The following HUWE1 variants were observed in gnomAD, a reference collection of about 807,000 sequenced individuals.
The protein encoded by HUWE1 is HECT, UBA and WWE domain containing E3 ubiquitin protein ligase 1, also known as E3 ubiquitin-protein ligase HUWE1.
In HUWE1, 18 loss-of-function variants were observed where a neutral mutation model predicts 299.4. The ratio of observed to expected loss-of-function variants is 0.06; its 90% CI spans 0.04 to 0.09. The LOEUF (loss-of-function observed/expected upper bound fraction) is 0.09. HUWE1 is among the 10% of genes least tolerant of loss of function. The pLI is 1.00. For missense variants in HUWE1, 1,832 were observed against 3,462.3 expected (o/e 0.53, Z 11.82); for synonymous variants, 1,317 against 1,286.1 (o/e 1.02, Z -0.51).
rs375387886 is a variant in HUWE1, at chrX:53,592,336, G to A, written c.3972+62C>T. The stretch of plus-strand genomic sequence containing the variant: ...AGTGGTATGTGAGCTTAGAAAATCC[G>A]TAAGCATCACACTCCATTGGGTGCA... On this transcript the variant is annotated intron_variant, in intron 33 of 83. Transcript: ENST00000262854. 73 of 822,574 alleles carry A rather than the reference G, an allele frequency of 8.9e-5. No individual in the cohort carries two copies. The East Asian group carries it at 1.3e-3, about 15-fold the overall frequency. The allele number at this position is 822,574 out of a possible 1,213,427, so 67.8% of individuals were successfully genotyped here. A position where few individuals can be genotyped will look rare whatever the true frequency, so the allele number is the denominator to read the frequency against.
chrX:53,588,978 T>G (rs782513497), intron 36 of HUWE1, among the ~76,000 whole-genome samples: 1 of 112,642 alleles, frequency 8.9e-6, no homozygotes, highest in East Asian at 2.8e-4. Context: ...AAAGTTCTAT[T>G]TTACAAAGCC....
At chrX:53,536,292 G>C (rs782687065) in intron 79 of HUWE1, 40 bp from the exon 80 acceptor site, 5 of 1,139,747 alleles carry the variant, frequency 4.4e-6, no homozygotes, top group Non-Finnish European at 6.0e-6. Context: ...GTTTGCGAGT[G>C]GGGGGGAAGA....
intron 78 of HUWE1, 145 bp from the exon 79 acceptor site, chrX:53,536,812 A>C (rs1342234211): frequency 1.3e-5 from 7 of 527,941 alleles, no homozygotes; most frequent in African/African-American, 1.2e-4. Flanking sequence ...AGGACAGCCC[A>C]GAAATGGGGT....
chrX:53,584,427 T>C, intron 40 of HUWE1, 82 bp from the exon 41 acceptor site: 1 of 818,078 alleles, frequency 1.2e-6, no homozygotes, highest in Non-Finnish European at 1.8e-6. Context: ...ATCTCCCAGG[T>C]AAAATGCTAC....
chrX:53,533,046 G>T lies in HUWE1; in HGVS notation c.*263C>A, dbSNP rs1219271102. The T allele has an allele frequency of 6.5e-5, 25 of 384,758 alleles. No homozygotes were observed. The highest frequency in any genetic ancestry group is 1.1e-4 in the Non-Finnish European group (25 of 219,034). The allele number at this position is 384,758 out of a possible 1,213,427, so 31.7% of individuals were successfully genotyped here. A position where few individuals can be genotyped will look rare whatever the true frequency, so the allele number is the denominator to read the frequency against. ...TTGGGACAGACAGGTCCCTGCAAAG[G>T]CTACTGCCTTTTTAAAACACATGGG... is the stretch of plus-strand genomic sequence containing the variant. On this transcript the variant is annotated 3_prime_UTR_variant, in exon 84 of 84. Transcript: ENST00000262854.
rs372331745 is a variant in HUWE1, at chrX:53,657,917, C to T, written c.-24-3786G>A. Among the ~76,000 whole-genome samples the T allele has an allele frequency of 1.3e-4, 14 of 107,805 alleles. No individual in the cohort carries two copies. The East Asian group carries it at 2.4e-3, about 18-fold the overall frequency. 93.6% of individuals were successfully genotyped at this position (107,805 alleles called of 115,157 possible). ...ACAAAAAATTAGCCAGGCGTGGTGG[C>T]GGGCGCCTGTAGTCCCAACTACTCG... is the stretch of plus-strand genomic sequence containing the variant. On this transcript the variant is annotated intron_variant, in intron 3 of 83. Transcript: ENST00000262854.
intron 33 of HUWE1, among the ~76,000 whole-genome samples, chrX:53,591,382 A>G (rs1315944288): frequency 9.0e-6 from 1 of 111,341 alleles, no homozygotes; most frequent in Non-Finnish European, 1.9e-5. Flanking sequence ...ATGCATGGTT[A>G]TTATGATTAA....
chrX:53,568,653 G>A, intron 49 of HUWE1, 39 bp downstream of exon 49: 1 of 1,166,461 alleles, frequency 8.6e-7, no homozygotes, highest in Non-Finnish European at 1.2e-6. Flanking sequence ...TAGTGAGGCT[G>A]AAGAGAAGGA....
chrX:53,639,361 C>A (rs2067423112), intron 7 of HUWE1, among the ~76,000 whole-genome samples: 1 of 111,563 alleles, frequency 9.0e-6, no homozygotes. Flanking sequence ...TAACTAAATT[C>A]ATATATAAGA....
At chrX:53,612,869 G>C (rs144181888) in intron 23 of HUWE1, among the ~76,000 whole-genome samples, 289 of 111,941 alleles carry the variant, frequency 2.6e-3, no homozygotes, top group African/African-American at 9.0e-3. Flanking sequence ...AATGAGGGTA[G>C]TGTGCTGATT....
Position 53,589,822 on chromosome X carries a change from A to G in HUWE1, c.4192-6T>C. The G allele has an allele frequency of 8.3e-7, 1 of 1,202,311 alleles. No individual in the cohort carries two copies. The highest frequency in any genetic ancestry group is 1.7e-5 in the African/African-American group (1 of 57,600). ...TCCTTCCGGCAAGCAACTTCCTGGA[A>G]GCAGGGAAGGAAGTGTGAATAATAC... On this transcript the variant is annotated splice_region_variant and splice_polypyrimidine_tract_variant and intron_variant, in intron 35 of 83. Transcript: ENST00000262854.
chrX:53,558,706 C>G lies in HUWE1; in HGVS notation c.8109G>C (p.Lys2703Asn). ...TATCTTCTTTGCCTTTATCAGTTATCTTTGTTTCTTCCTCAGCCAGTTGTT... is the reference window on the plus strand; with the variant it reads ...TATCTTCTTTGCCTTTATCAGTTATGTTTGTTTCTTCCTCAGCCAGTTGTT... ...RRKQLAEEET[K>N]ITDKGKEDKE... Residue 2703 changes from lysine (K) to asparagine (N), a missense_variant, in exon 59 of 84, where the codon AAG (lysine) becomes AAC (asparagine). Around this residue, in one of 15 missense-constraint regions of HUWE1, gnomAD observed 143 missense variants for 148.1 expected, o/e 0.97. Transcript: ENST00000262854. 1 of 1,210,576 alleles carries G rather than the reference C, an allele frequency of 8.3e-7. No individual in the cohort carries two copies. Among genetic ancestry groups the G allele is most frequent in the Non-Finnish European group, 1.1e-6 (1 of 894,389 alleles).
chrX:53,582,504 A>G (rs1415300143), intron 42 of HUWE1, among the ~76,000 whole-genome samples: 2 of 112,653 alleles, frequency 1.8e-5, no homozygotes, highest in Non-Finnish European at 3.7e-5. Flanking sequence ...AAATACTTGT[A>G]ATGCCTTTTG....
intron 23 of HUWE1, 38 bp downstream of exon 23, chrX:53,614,496 G>C: frequency 9.6e-7 from 1 of 1,042,515 alleles, no homozygotes; most frequent in South Asian, 1.9e-5. Context: ...ACATGCCCAC[G>C]ATTATATGGC....
intron 3 of HUWE1, among the ~76,000 whole-genome samples, chrX:53,665,891 GAAGCCTGAGGTGGGAGGAT>G (rs781943190): frequency 3.0e-4 from 34 of 111,611 alleles, no homozygotes; most frequent in Middle Eastern, 4.6e-3. Context: ...CAGCACTTTG[GAAGCCTGAGGTGGGAGGAT>G]AAGCCTGAGG....
intron 4 of HUWE1, among the ~76,000 whole-genome samples, chrX:53,651,454 T>C: frequency 8.9e-6 from 1 of 111,896 alleles, no homozygotes; most frequent in African/African-American, 3.3e-5. Flanking sequence ...TGCTCATCCT[T>C]TGTATAAAAT....
chrX:53,635,765 T>A (rs2067170419), intron 7 of HUWE1, among the ~76,000 whole-genome samples: 1 of 112,093 alleles, frequency 8.9e-6, no homozygotes, highest in Admixed American at 9.5e-5. Flanking sequence ...TCTCTCTACA[T>A]CTAAGTGTTT....
intron 3 of HUWE1, among the ~76,000 whole-genome samples, chrX:53,669,489 A>C (rs782443836): frequency 8.9e-6 from 1 of 112,395 alleles, no homozygotes; most frequent in Admixed American, 9.4e-5. Flanking sequence ...GGCTTCCAAC[A>C]TGATGTAAAA....
rs868945307 is a variant in HUWE1, at chrX:53,579,341, G to A, written c.5716+1490C>T. Among the ~76,000 whole-genome samples, 866 of 103,325 alleles carry A rather than the reference G, an allele frequency of 8.4e-3. 2 individuals are homozygous for A. The highest frequency in any genetic ancestry group is 0.021 in the Middle Eastern group (4 of 193). 89.7% of individuals were successfully genotyped at this position (103,325 alleles called of 115,157 possible). On this transcript the variant is annotated intron_variant, in intron 43 of 83. Transcript: ENST00000262854. ...AGGGTGGTGGGGGGGTCAGCCCCCC[G>A]CCCGGCCAGCCGCCCCATCCGGGAG...
Sources: allele counts gnomAD v4.1 joint callset (sites outside exome capture counted in the v4.1 genomes callset), GRCh38; gene constraint gnomAD v4.1.1; regional missense constraint gnomAD v4.1.1; transcripts MANE v1.5; gene names NCBI Gene and HGNC (gene_info 2026-07-23, HGNC 2026-07-21).